SRRM3: variants seen among roughly 807,000 people sequenced by gnomAD.
SRRM3 encodes the protein serine/arginine repetitive matrix protein 3.
SRRM3 carries 27 observed loss-of-function variants against 66.2 expected under a neutral mutation model. The observed-to-expected ratio is 0.41, with a 90% CI of 0.30 to 0.56. The LOEUF is 0.56. Among genes scored for constraint, SRRM3 ranks in the 20% least tolerant of loss-of-function variants. The pLI is 0.32. For missense variants in SRRM3, 918 were observed against 991.9 expected (o/e 0.93, Z 1.00); for synonymous variants, 391 against 414.9 (o/e 0.94, Z 0.70).
At chr7:76,234,144 T>C (rs1554604509) in intron 1 of SRRM3, among the ~76,000 whole-genome samples, 1 of 126,072 alleles carries the variant, frequency 7.9e-6, no homozygotes, top group African/African-American at 3.0e-5. Flanking sequence ...AGAAAGGAAA[T>C]GGAAATAGCT....
Position 76,265,545 on chromosome 7 carries a change from A to C in SRRM3, c.830+77A>C, listed in dbSNP as rs1036290208. The C allele has an allele frequency of 5.0e-6, 6 of 1,191,494 alleles. No homozygotes were observed. In the African/African-American group the frequency reaches 6.2e-5, roughly 12 times the overall value. 73.8% of individuals were successfully genotyped at this position (1,191,494 alleles called of 1,614,324 possible). A position where few individuals can be genotyped will look rare whatever the true frequency, so the allele number is the denominator to read the frequency against. On this transcript the variant is annotated intron_variant, in intron 10 of 14. Coordinates refer to ENST00000611745, the MANE Select transcript of SRRM3 (RefSeq NM_001110199.3). ...GATTAAACACCCCCAAGGGCTGGGG[A>C]GCAGGGCTGGTGGACAGAATGTCAA...
intron 1 of SRRM3, among the ~76,000 whole-genome samples, chr7:76,211,995 G>A (rs782277661): frequency 6.0e-5 from 9 of 150,192 alleles, no homozygotes; most frequent in African/African-American, 1.2e-4. Context: ...ACATGCCACC[G>A]TGCCCAGATA....
intron 2 of SRRM3, among the ~76,000 whole-genome samples, chr7:76,238,962 G>A (rs1266387370): frequency 6.6e-5 from 10 of 151,576 alleles, no homozygotes; most frequent in African/African-American, 1.7e-4. Flanking sequence ...ATGCCCAGAC[G>A]CCATGCCTCT....
chr7:76,223,629 A>G (rs898077815), intron 1 of SRRM3, among the ~76,000 whole-genome samples: 11 of 152,172 alleles, frequency 7.2e-5, no homozygotes, highest in Non-Finnish European at 1.3e-4. Context: ...ACAGTTGGAA[A>G]GAATCTTTTT....
At chr7:76,259,328 C>T (rs1728563069) in intron 3 of SRRM3, among the ~76,000 whole-genome samples, 1 of 152,054 alleles carries the variant, frequency 6.6e-6, no homozygotes, top group Non-Finnish European at 1.5e-5. Flanking sequence ...GCCTGGAATT[C>T]CAGCACTTTG....
rs548540354 is a variant in SRRM3 at position 76,249,837 on chromosome 7, G to A, written c.335+1548G>A. Among the ~76,000 whole-genome samples the A allele has an allele frequency of 2.5e-4, 38 of 152,056 alleles. 1 individual carries two copies. In the South Asian group the frequency reaches 5.2e-3, roughly 21 times the overall value. On this transcript the variant is annotated intron_variant, in intron 3 of 14. Transcript: ENST00000611745. ...TGAGGCGGGAGAATCACTTGAACCC[G>A]CCTCAGAACAGAGTGAGATTCTGTT...
At chr7:76,279,239 A>T (rs1253942386) in intron 11 of SRRM3, among the ~76,000 whole-genome samples, 2 of 152,082 alleles carry the variant, frequency 1.3e-5, no homozygotes, top group African/African-American at 4.8e-5. Flanking sequence ...AGCCTGAGAG[A>T]CAGAGTGAGA....
chr7:76,282,623 A>G (rs1195689554), intron 12 of SRRM3, 25 bp from the exon 13 acceptor site: 2 of 1,317,514 alleles, frequency 1.5e-6, no homozygotes, highest in Admixed American at 7.4e-5. Context: ...GCTGAGCCCT[A>G]TCCCGCGCCG....
intron 1 of SRRM3, among the ~76,000 whole-genome samples, chr7:76,232,572 CAA>C (rs1295713420): frequency 1.4e-5 from 2 of 140,866 alleles, no homozygotes; most frequent in Admixed American, 7.0e-5. Context: ...ACTCCTTCTC[CAA>C]AAAAAAAAAG....
chr7:76,204,471 G>A (rs1392605889), intron 1 of SRRM3, among the ~76,000 whole-genome samples: 1 of 152,136 alleles, frequency 6.6e-6, no homozygotes. Context: ...AAGGTGTGAT[G>A]GGACTTTCCC....
At chr7:76,225,481 G>A (rs1393130438) in intron 1 of SRRM3, among the ~76,000 whole-genome samples, 3 of 83,656 alleles carry the variant, frequency 3.6e-5, no homozygotes, top group African/African-American at 8.8e-5. Context: ...CGCCCCCCCC[G>A]CCCCTTTCCC....
chr7:76,282,581 A>ACCCCCCCC, intron 12 of SRRM3, 67 bp from the exon 13 acceptor site: 1 of 579,420 alleles, frequency 1.7e-6, no homozygotes, highest in Non-Finnish European at 2.5e-6. Context: ...GCCCCAGGGA[A>ACCCCCCCC]CCCTCCCCGC....
chr7:76,211,430 A>G lies in SRRM3; in HGVS notation c.-40+9363A>G, dbSNP rs139940241. Among the ~76,000 whole-genome samples the G allele has an allele frequency of 5.9e-3, 890 of 151,566 alleles. 9 individuals are homozygous for G. Among genetic ancestry groups the G allele is most frequent in the African/African-American group, 0.019 (772 of 41,198 alleles). On this transcript the variant is annotated intron_variant, in intron 1 of 14. Transcript: ENST00000611745. ...CTCACTGTTGGGGGGCGGGGGGGGA[A>G]TTATTGCCAGGTGAGGCAGCCTAGC... is the stretch of plus-strand genomic sequence containing the variant.
intron 3 of SRRM3, among the ~76,000 whole-genome samples, chr7:76,259,443 G>A (rs1450779438): frequency 4.0e-5 from 6 of 151,856 alleles, no homozygotes; most frequent in African/African-American, 1.5e-4. Flanking sequence ...CCAGGGTAGG[G>A]GTCCACGCCT....
chr7:76,263,877 CAAAAAA>C (rs781852712), intron 8 of SRRM3, among the ~76,000 whole-genome samples: 12 of 49,526 alleles, frequency 2.4e-4, no homozygotes, highest in African/African-American at 4.8e-4. Flanking sequence ...TGTCTCAAGA[CAAAAAA>C]AAAAAAAAAA....
chr7:76,265,599 G>A (rs1181543274), intron 10 of SRRM3, 131 bp downstream of exon 10: 8 of 688,896 alleles, frequency 1.2e-5, no homozygotes, highest in African/African-American at 1.9e-5. Flanking sequence ...TTTATCAGGG[G>A]TAGCCAGGTG....
chr7:76,222,813 G>A (rs1463149413), intron 1 of SRRM3, among the ~76,000 whole-genome samples: 2 of 151,658 alleles, frequency 1.3e-5, no homozygotes, highest in Non-Finnish European at 2.9e-5. Context: ...GTGGAGACAG[G>A]CCAGGCTGAC....
At position 76,286,251 on chromosome 7, in the gene SRRM3, C is replaced by A; in HGVS notation, c.*408C>A. The A allele has an allele frequency of 4.3e-6, 1 of 234,934 alleles. No homozygotes were observed. The highest frequency in any genetic ancestry group is 9.0e-6 in the Non-Finnish European group (1 of 111,514). The allele number at this position is 234,934 out of a possible 1,614,324, so 14.6% of individuals were successfully genotyped here. On this transcript the variant is annotated 3_prime_UTR_variant, in exon 15 of 15. Coordinates refer to ENST00000611745, the MANE Select transcript of SRRM3 (RefSeq NM_001110199.3). Reference sequence around the variant, plus strand: ...CAGCCAGGGACACCTTGCAAGGTGCCAGCCCTGGGAGCCCCTCTTCCGCAC... The same window carrying A: ...CAGCCAGGGACACCTTGCAAGGTGCAAGCCCTGGGAGCCCCTCTTCCGCAC...
chr7:76,285,058 T>C lies in SRRM3; in HGVS notation c.1734-557T>C, dbSNP rs1554612556. Among the ~76,000 whole-genome samples, 2 of 152,106 alleles carry C rather than the reference T, an allele frequency of 1.3e-5. No individual in the cohort carries two copies. The highest frequency in any genetic ancestry group is 4.8e-5 in the African/African-American group (2 of 41,436). On this transcript the variant is annotated intron_variant, in intron 14 of 14. Coordinates refer to ENST00000611745, the MANE Select transcript of SRRM3 (RefSeq NM_001110199.3). The surrounding 1 kb of genome is among the most constrained non-coding windows in gnomAD (Gnocchi z 4.1). ...GAGCTGTCCACATTTGCAAGTTTCA[T>C]TCATTCAACAAGTTTTTTTTTTTGA... is the stretch of plus-strand genomic sequence containing the variant.
Sources: allele counts gnomAD v4.1 joint callset (sites outside exome capture counted in the v4.1 genomes callset), GRCh38; gene constraint gnomAD v4.1.1; non-coding constraint Gnocchi (gnomAD v3.1); transcripts MANE v1.5; gene names NCBI Gene and HGNC (gene_info 2026-07-23, HGNC 2026-07-21).